The following EXOC4 variants were observed in gnomAD, a reference collection of about 807,000 sequenced individuals.
EXOC4 encodes the protein SEC8-like 1.
A neutral mutation model predicts 107.2 loss-of-function variants in EXOC4; 71 were observed. The ratio of observed to expected loss-of-function variants is 0.66; its 90% CI spans 0.55 to 0.81. The LOEUF is 0.81. Among genes scored for constraint, EXOC4 ranks in the 30% least tolerant of loss-of-function variants. The pLI is 0.00. For synonymous variants in EXOC4, 456 were observed against 441.2 expected (o/e 1.03, Z -0.42); for missense variants, 1,108 against 1,189.6 (o/e 0.93, Z 1.01).
chr7:133,468,714 T>C (rs1368472870), intron 7 of EXOC4, among the ~76,000 whole-genome samples: 1 of 152,188 alleles, frequency 6.6e-6, no homozygotes, highest in African/African-American at 2.4e-5. Flanking sequence ...GCCAGAGGAA[T>C]TCGCCTACTG....
chr7:133,436,050 T>TG (rs1271145308), intron 7 of EXOC4, among the ~76,000 whole-genome samples: 5 of 150,136 alleles, frequency 3.3e-5, no homozygotes, highest in Non-Finnish European at 7.4e-5. Context: ...ATCTCAGTGT[T>TG]TTTTTTTTTT....
In EXOC4 at chr7:133,594,542, T is replaced by A. The variant is rs555887174; in HGVS notation, c.1418-35503T>A. Among the ~76,000 whole-genome samples, 177 of 145,048 alleles carry A rather than the reference T, an allele frequency of 1.2e-3. 3 individuals carry two copies. Among genetic ancestry groups the A allele is most frequent in the African/African-American group, 4.5e-3 (173 of 38,614 alleles). Reference sequence around the variant, plus strand: ...ACGGAGTCTCGCTCTTTCACCAGGCTGGAGTGCGATGGCGTGATCTTGGCT... The same window carrying A: ...ACGGAGTCTCGCTCTTTCACCAGGCAGGAGTGCGATGGCGTGATCTTGGCT... On this transcript the variant is annotated intron_variant, in intron 9 of 17. Coordinates refer to ENST00000253861, the MANE Select transcript of EXOC4 (RefSeq NM_021807.4).
chr7:133,878,844 C>G (rs1585217854), intron 11 of EXOC4, among the ~76,000 whole-genome samples: 1 of 152,172 alleles, frequency 6.6e-6, no homozygotes, highest in African/African-American at 2.4e-5. Flanking sequence ...CTGCGTCAGT[C>G]TCCTGAGTAG....
chr7:133,907,981 A>G (rs926527633), intron 12 of EXOC4, among the ~76,000 whole-genome samples: 2 of 152,064 alleles, frequency 1.3e-5, no homozygotes, highest in African/African-American at 4.8e-5. Context: ...TAGGCCTTGC[A>G]CTCTTGTTTT....
chr7:133,454,691 C>T (rs1798423720), intron 7 of EXOC4, among the ~76,000 whole-genome samples: 1 of 152,158 alleles, frequency 6.6e-6, no homozygotes, highest in South Asian at 2.1e-4. Context: ...GAACTTATTT[C>T]TAAGATGGCA....
rs1168904055 is a variant in EXOC4, at chr7:133,305,949, C to T, written c.544C>T (p.His182Tyr). The change falls in exon 4 of 18, where the codon CAC becomes TAC. Residue 182 changes from histidine to tyrosine, a missense_variant. Coordinates refer to ENST00000253861, the MANE Select transcript of EXOC4 (RefSeq NM_021807.4). ...ACTGAGTGACCTTCGACTAGAGCTT[C>T]ACAGCAAGAAGATGAACCTTCACTT... ...EGLSDLRLEL[H>Y]SKKMNLHLVL... 1 of 1,613,822 alleles carries T rather than the reference C, an allele frequency of 6.2e-7. No homozygotes were observed. The highest frequency in any genetic ancestry group is 1.1e-5 in the South Asian group (1 of 91,050).
intron 5 of EXOC4, among the ~76,000 whole-genome samples, chr7:133,336,225 G>T (rs1306102541): frequency 6.6e-6 from 1 of 152,076 alleles, no homozygotes; most frequent in Admixed American, 6.6e-5. Context: ...TGTTGTCTGT[G>T]CTTTTTCTGT....
chr7:133,659,000 C>CATTTTTTT (rs1803367405), intron 10 of EXOC4, among the ~76,000 whole-genome samples: 1 of 40,110 alleles, frequency 2.5e-5, no homozygotes, highest in African/African-American at 1.0e-4. Context: ...TTCAGAGAAG[C>CATTTTTTT]TTTTTTTTTT....
chr7:133,905,027 G>T (rs1320761408), intron 12 of EXOC4, among the ~76,000 whole-genome samples: 1 of 152,174 alleles, frequency 6.6e-6, no homozygotes, highest in Non-Finnish European at 1.5e-5. Flanking sequence ...TAAATAGAAA[G>T]CCATATACAA....
At chr7:133,884,007 G>T (rs1178565641) in intron 11 of EXOC4, among the ~76,000 whole-genome samples, 1 of 152,216 alleles carries the variant, frequency 6.6e-6, no homozygotes, top group Non-Finnish European at 1.5e-5. Context: ...AGAGCTGATA[G>T]TAACTGGAGA....
chr7:134,048,681 G>T (rs1390666155), intron 17 of EXOC4, among the ~76,000 whole-genome samples: 1 of 152,174 alleles, frequency 6.6e-6, no homozygotes, highest in Non-Finnish European at 1.5e-5. Flanking sequence ...CAGTAAAGTT[G>T]TGTGTATTTT....
downstream of EXOC4, chr7:134,066,453 A>G (rs182615572): frequency 2.0e-4 from 31 of 152,330 alleles, no homozygotes; most frequent in African/African-American, 7.5e-4. Flanking sequence ...AACATTTAGG[A>G]AAGTGAAATC....
chr7:133,771,200 G>A (rs2151162597), intron 10 of EXOC4: 1 of 152,084 alleles, frequency 6.6e-6, no homozygotes, highest in East Asian at 1.9e-4. Context: ...ACCAGATTAT[G>A]GAAGGCCTCC....
intron 1 of EXOC4, among the ~76,000 whole-genome samples, chr7:133,259,178 A>G (rs1311679816): frequency 1.3e-5 from 2 of 151,862 alleles, no homozygotes; most frequent in African/African-American, 4.8e-5. Context: ...TTTTAAGTGG[A>G]GGAATTAAAC....
intron 10 of EXOC4, among the ~76,000 whole-genome samples, chr7:133,685,659 T>G (rs944500188): frequency 6.6e-6 from 1 of 152,114 alleles, no homozygotes; most frequent in South Asian, 2.1e-4. Flanking sequence ...TAGTAAAAGA[T>G]TAAGATGCTG....
At chr7:133,719,347 C>T (rs143853378) in intron 10 of EXOC4, among the ~76,000 whole-genome samples, 4 of 152,138 alleles carry the variant, frequency 2.6e-5, no homozygotes, top group African/African-American at 4.8e-5. Context: ...AGCATGAAAA[C>T]GAACTAATAC....
intron 11 of EXOC4, among the ~76,000 whole-genome samples, chr7:133,870,572 A>G (rs186593950): frequency 3.2e-4 from 49 of 152,234 alleles, no homozygotes; most frequent in Admixed American, 3.2e-3. Context: ...GGCTCATCTA[A>G]AGAGGGTCAT....
At chr7:134,080,752 C>T in the EXOC4 span, among the ~76,000 whole-genome samples, 1 of 151,918 alleles carries the variant, frequency 6.6e-6, no homozygotes, top group Non-Finnish European at 1.5e-5. Context: ...CCAGCCCAGG[C>T]AACATAGCAA....
chr7:133,427,097 G>T (rs893454140), intron 7 of EXOC4, among the ~76,000 whole-genome samples: 1 of 152,044 alleles, frequency 6.6e-6, no homozygotes, highest in Non-Finnish European at 1.5e-5. Context: ...AAGGTGATTC[G>T]ATGAGTTGTT....
Sources: allele counts gnomAD v4.1 joint callset (sites outside exome capture counted in the v4.1 genomes callset), GRCh38; gene constraint gnomAD v4.1.1; transcripts MANE v1.5; gene names NCBI Gene and HGNC (gene_info 2026-07-23, HGNC 2026-07-21).